MMP26: variants seen among roughly 807,000 people sequenced by gnomAD.
MMP26 encodes the protein matrix metalloproteinase-26.
In MMP26, 33 loss-of-function variants were observed where a neutral mutation model predicts 31.0. The ratio of observed to expected loss-of-function variants is 1.06; its 90% CI spans 0.81 to 1.42. The LOEUF (loss-of-function observed/expected upper bound fraction) is 1.42. MMP26 is among the 40% of genes most tolerant of loss of function. The probability of loss-of-function intolerance (pLI) is 0.00; values close to 1 mark genes in which losing one functional copy is unlikely to be tolerated. For missense variants in MMP26, 347 were observed against 316.1 expected (o/e 1.10, Z -0.74); for synonymous variants, 122 against 114.9 (o/e 1.06, Z -0.40).
At chr11:4,835,293 C>T (rs1849703137) in intron 2 of MMP26, among the ~76,000 whole-genome samples, 1 of 151,188 alleles carries the variant, frequency 6.6e-6, no homozygotes, top group Non-Finnish European at 1.5e-5. Context: ...TCAAGTAGAC[C>T]AACCCAGAGA....
At chr11:4,909,376 CAGAAA>C in intron 2 of MMP26, 1 of 152,106 alleles carries the variant, frequency 6.6e-6, no homozygotes, top group East Asian at 1.9e-4. Flanking sequence ...GTGTTGTAAA[CAGAAA>C]AGAAAAGCTT....
chr11:4,760,897 G>A (rs2133410512), intron 1 of MMP26, among the ~76,000 whole-genome samples: 1 of 152,234 alleles, frequency 6.6e-6, no homozygotes, highest in East Asian at 1.9e-4. Flanking sequence ...CTGTATTTTG[G>A]GATTTGGTTA....
At chr11:4,723,597 G>A (rs574346492) in intron 1 of MMP26, 1 of 985,352 alleles carries the variant, frequency 1.0e-6, no homozygotes, top group African/African-American at 1.6e-5. Flanking sequence ...CATCCTTCTT[G>A]ATGAGGACAA....
intron 2 of MMP26, chr11:4,937,425 G>A (rs1035302159): frequency 6.6e-6 from 1 of 152,320 alleles, no homozygotes; most frequent in Non-Finnish European, 1.5e-5. Context: ...AGTACACGAT[G>A]GGATTCAACA....
At chr11:4,929,798 A>G (rs1363710058) in intron 2 of MMP26, among the ~76,000 whole-genome samples, 1 of 151,928 alleles carries the variant, frequency 6.6e-6, no homozygotes, top group Non-Finnish European at 1.5e-5. Flanking sequence ...ATAGTTTTTG[A>G]GCATTTTCTC....
At chr11:4,943,019 G>A (rs1011066720) in intron 2 of MMP26, 2 of 152,568 alleles carry the variant, frequency 1.3e-5, no homozygotes, top group Admixed American at 6.5e-5. Flanking sequence ...TTGTTCTCAT[G>A]TAACTCCTAT....
At chr11:4,859,807 A>G in intron 2 of MMP26, 1 of 471,476 alleles carries the variant, frequency 2.1e-6, no homozygotes, top group Non-Finnish European at 4.4e-6. Flanking sequence ...AGGAACATAG[A>G]AGAGGAGCAC....
At chr11:4,724,488 C>G (rs1848069366) in intron 1 of MMP26, among the ~76,000 whole-genome samples, 1 of 152,124 alleles carries the variant, frequency 6.6e-6, no homozygotes, top group Admixed American at 6.5e-5. Flanking sequence ...TTCTTTTGAC[C>G]TTAGTTTACA....
At chr11:4,774,774 G>A (rs1343399364) in intron 2 of MMP26, among the ~76,000 whole-genome samples, 1 of 152,114 alleles carries the variant, frequency 6.6e-6, no homozygotes, top group African/African-American at 2.4e-5. Context: ...TTACATTTAA[G>A]TCTTTAATCC....
intron 1 of MMP26, chr11:4,710,249 G>A (rs1408769902): frequency 4.4e-6 from 2 of 456,734 alleles, no homozygotes; most frequent in Admixed American, 4.7e-5. Flanking sequence ...TCCGCTCTGT[G>A]CTCTGCATTG....
chr11:4,844,309 G>T (rs981647954), intron 2 of MMP26, among the ~76,000 whole-genome samples: 1 of 152,068 alleles, frequency 6.6e-6, no homozygotes, highest in African/African-American at 2.4e-5. Flanking sequence ...CCTGGGATAC[G>T]ATGGATTCAC....
intron 2 of MMP26, chr11:4,849,153 G>A: frequency 1.2e-6 from 2 of 1,613,964 alleles, no homozygotes; most frequent in Non-Finnish European, 8.5e-7. Flanking sequence ...CAGCAAGAAG[G>A]TGGGGGCCAT....
intron 2 of MMP26, among the ~76,000 whole-genome samples, chr11:4,885,770 T>C (rs1252886213): frequency 6.6e-6 from 1 of 152,136 alleles, no homozygotes; most frequent in Non-Finnish European, 1.5e-5. Flanking sequence ...TCTTAAATAT[T>C]TACCTGCTAT....
chr11:4,882,934 G>T, intron 2 of MMP26: 1 of 1,469,672 alleles, frequency 6.8e-7, no homozygotes, highest in Non-Finnish European at 9.3e-7. Flanking sequence ...AAAGGGACTT[G>T]GGGCAGTCTT....
chr11:4,923,291 G>A, intron 2 of MMP26: 1 of 1,405,936 alleles, frequency 7.1e-7, no homozygotes, highest in Non-Finnish European at 9.6e-7. Flanking sequence ...ACAGTCAACG[G>A]TTTATTATTT....
At chr11:4,724,119 T>C in intron 1 of MMP26, 1 of 627,314 alleles carries the variant, frequency 1.6e-6, no homozygotes, top group Non-Finnish European at 2.9e-6. Flanking sequence ...GCTGAAGTCC[T>C]GGGGGGCTAG....
At chr11:4,928,124 AATTAC>A (rs1851299236) in intron 2 of MMP26, among the ~76,000 whole-genome samples, 1 of 33,450 alleles carries the variant, frequency 3.0e-5, no homozygotes, top group African/African-American at 9.0e-5. Flanking sequence ...ACCTAGGACA[AATTAC>A]TTAATCTTTC....
chr11:4,764,059 C>G (rs1239249916), intron 1 of MMP26, among the ~76,000 whole-genome samples: 1 of 152,088 alleles, frequency 6.6e-6, no homozygotes, highest in African/African-American at 2.4e-5. Context: ...ATGTTTATTA[C>G]TTTTTAATCT....
chr11:4,706,968 G>T (rs550902913), intron 1 of MMP26, among the ~76,000 whole-genome samples: 3 of 152,272 alleles, frequency 2.0e-5, no homozygotes, highest in Admixed American at 6.5e-5. Context: ...CTTTCTTTAT[G>T]CATTCATTTG....
Sources: gnomAD v4.1 joint callset for allele counts (sites outside exome capture counted in the v4.1 genomes callset) on GRCh38, gnomAD v4.1.1 for gene constraint, MANE v1.5 for transcripts, NCBI Gene and HGNC (gene_info 2026-07-23, HGNC 2026-07-21) for gene names.